Variants in UBE2H observed in about 807,000 individuals in gnomAD.
UBE2H encodes the protein ubiquitin-conjugating enzyme E2 H.
Under a neutral mutation model 29.0 loss-of-function variants are expected in UBE2H, and 3 were observed. That is an observed-to-expected ratio of 0.10 (90% CI 0.05 to 0.27). The LOEUF (loss-of-function observed/expected upper bound fraction) is 0.27. UBE2H is among the 10% of genes least tolerant of loss of function. The probability of loss-of-function intolerance (pLI) is 1.00; values close to 1 mark genes in which losing one functional copy is unlikely to be tolerated. For missense variants in UBE2H, 68 were observed against 228.2 expected (o/e 0.30, Z 4.52); for synonymous variants, 69 against 82.9 (o/e 0.83, Z 0.91).
intron 5 of UBE2H, among the ~76,000 whole-genome samples, chr7:129,854,656 G>A (rs1439482319): frequency 3.3e-5 from 5 of 152,208 alleles, no homozygotes. Context: ...ACTTTACAAA[G>A]TAGTCTATCA....
chr7:129,884,025 G>A (rs1444505267), intron 1 of UBE2H, among the ~76,000 whole-genome samples: 1 of 152,152 alleles, frequency 6.6e-6, no homozygotes, highest in Non-Finnish European at 1.5e-5. Flanking sequence ...GAACCCAGGA[G>A]GCAGAGGTTG....
chr7:129,948,964 C>G (rs768757989), intron 1 of UBE2H: 8 of 456,754 alleles, frequency 1.8e-5, no homozygotes, highest in Non-Finnish European at 2.6e-5. Context: ...CATACTCCAT[C>G]AGCTGTTTGG....
intron 5 of UBE2H, among the ~76,000 whole-genome samples, chr7:129,852,759 C>T (rs1225881432): frequency 1.3e-5 from 2 of 151,770 alleles, no homozygotes; most frequent in Non-Finnish European, 2.9e-5. Flanking sequence ...GAGTTTTGCT[C>T]TTATTGCCCA....
intron 1 of UBE2H, among the ~76,000 whole-genome samples, chr7:129,929,057 G>A (rs1037332166): frequency 2.6e-5 from 4 of 152,248 alleles, no homozygotes; most frequent in East Asian, 1.9e-4. Flanking sequence ...GGTGGCTCAC[G>A]CCTGTAATCC....
intron 1 of UBE2H, among the ~76,000 whole-genome samples, chr7:129,893,091 G>A (rs1806530175): frequency 6.6e-6 from 1 of 152,180 alleles, no homozygotes; most frequent in Admixed American, 6.5e-5. Context: ...TAGGAGTAAA[G>A]AGTAACATAC....
At chr7:129,879,691 A>C in intron 2 of UBE2H, 49 bp from the exon 3 acceptor site, 2 of 1,503,342 alleles carry the variant, frequency 1.3e-6, no homozygotes, top group Non-Finnish European at 1.8e-6. Context: ...CCAAATTAGA[A>C]AATAAATCTG....
chr7:129,937,157 G>A (rs55732825), intron 1 of UBE2H, among the ~76,000 whole-genome samples: 9,377 of 151,586 alleles, frequency 0.062, 364 homozygotes, highest in Non-Finnish European at 0.091. Flanking sequence ...GTGAAACCCC[G>A]TCTCTACAAA....
chr7:129,938,045 T>G (rs929136587), intron 1 of UBE2H, among the ~76,000 whole-genome samples: 2 of 152,098 alleles, frequency 1.3e-5, no homozygotes, highest in African/African-American at 4.8e-5. Flanking sequence ...AGGCTAAAAC[T>G]CCTGTCAAAA....
intron 5 of UBE2H, among the ~76,000 whole-genome samples, chr7:129,850,823 AAGAG>A (rs745877079): frequency 6.8e-6 from 1 of 147,402 alleles, no homozygotes; most frequent in Admixed American, 6.8e-5. Context: ...TCAAAAAAGA[AAGAG>A]AGAGAGAGAG....
intron 1 of UBE2H, among the ~76,000 whole-genome samples, chr7:129,940,555 C>A (rs1807620891): frequency 1.3e-5 from 2 of 152,204 alleles, no homozygotes; most frequent in South Asian, 4.1e-4. Flanking sequence ...TCTGCAGGGA[C>A]AGGTCAGAAG....
At chr7:129,866,290 T>A (rs1805903308) in intron 3 of UBE2H, among the ~76,000 whole-genome samples, 1 of 152,202 alleles carries the variant, frequency 6.6e-6, no homozygotes, top group Non-Finnish European at 1.5e-5. Context: ...GTCTGAGGAA[T>A]GGGCTAGATG....
At chr7:129,881,902 T>C (rs1295619183) in intron 1 of UBE2H, among the ~76,000 whole-genome samples, 1 of 152,180 alleles carries the variant, frequency 6.6e-6, no homozygotes, top group Non-Finnish European at 1.5e-5. Context: ...ACACAGTTAA[T>C]GATACAACCT....
chr7:129,859,040 T>C, intron 3 of UBE2H, 99 bp from the exon 4 acceptor site: 1 of 933,804 alleles, frequency 1.1e-6, no homozygotes, highest in Non-Finnish European at 1.7e-6. Flanking sequence ...AAGGTGATAA[T>C]ACTTATAAAT....
At chr7:129,840,503 A>C (rs1156684373) in intron 5 of UBE2H, among the ~76,000 whole-genome samples, 1 of 152,086 alleles carries the variant, frequency 6.6e-6, no homozygotes, top group Non-Finnish European at 1.5e-5. Flanking sequence ...CCAGGCATAC[A>C]CAGATGATAT....
In UBE2H at chr7:129,916,954, G is replaced by A. The variant is rs1199294380; in HGVS notation, c.53+35549C>T. Among the ~76,000 whole-genome samples the A allele has an allele frequency of 2.6e-5, 4 of 151,318 alleles. No homozygotes were observed. The South Asian group carries it at 6.3e-4, about 24-fold the overall frequency. On this transcript the variant is annotated intron_variant, in intron 1 of 6. Transcript: ENST00000355621. ...CTGGAGGCTGAGGCAGGAGAATGGC[G>A]TGAACCTGGGAGGCGGAGCTTGCAG...
At chr7:129,900,742 T>C (rs868060911) in intron 1 of UBE2H, among the ~76,000 whole-genome samples, 6 of 149,756 alleles carry the variant, frequency 4.0e-5, no homozygotes, top group Non-Finnish European at 7.4e-5. Context: ...TGATTAAGAT[T>C]TCTTTTTCCT....
chr7:129,919,370 C>T (rs1252063664), intron 1 of UBE2H, among the ~76,000 whole-genome samples: 2 of 152,128 alleles, frequency 1.3e-5, no homozygotes, highest in Non-Finnish European at 2.9e-5. Flanking sequence ...CCTGTTAACA[C>T]CCTACTTAAA....
intron 1 of UBE2H, among the ~76,000 whole-genome samples, chr7:129,905,037 G>A (rs978968432): frequency 2.0e-5 from 3 of 152,026 alleles, no homozygotes; most frequent in Non-Finnish European, 4.4e-5. Context: ...AGTTCAACTC[G>A]AGATCAACAC....
intron 3 of UBE2H, among the ~76,000 whole-genome samples, chr7:129,868,119 A>G (rs1805950655): frequency 1.3e-5 from 2 of 152,236 alleles, no homozygotes; most frequent in African/African-American, 2.4e-5. Context: ...ACCAAATCCT[A>G]AAGGGAAAGA....
Sources: gnomAD v4.1 joint callset for allele counts (sites outside exome capture counted in the v4.1 genomes callset) on GRCh38, gnomAD v4.1.1 for gene constraint, MANE v1.5 for transcripts, NCBI Gene and HGNC (gene_info 2026-07-23, HGNC 2026-07-21) for gene names.